The following SPINT2 variants were observed in gnomAD, a reference collection of about 807,000 sequenced individuals.
SPINT2 encodes serine peptidase inhibitor, Kunitz type 2.
SPINT2 carries 18 observed loss-of-function variants against 30.1 expected under a neutral mutation model. The ratio of observed to expected loss-of-function variants is 0.60; its 90% CI spans 0.41 to 0.89. The LOEUF (loss-of-function observed/expected upper bound fraction) is 0.89, where lower values mean the gene tolerates loss of function less well. Ranked by LOEUF, SPINT2 falls within the 40% of genes least tolerant of loss-of-function variation. The pLI, the probability that SPINT2 is intolerant of heterozygous loss-of-function variation, is 0.00. For synonymous variants in SPINT2, 139 were observed against 137.9 expected (o/e 1.01, Z -0.05); for missense variants, 276 against 334.3 (o/e 0.83, Z 1.36).
At chr19:38,276,292 A>G (rs535076233) in intron 1 of SPINT2, among the ~76,000 whole-genome samples, 1 of 152,270 alleles carries the variant, frequency 6.6e-6, no homozygotes, top group South Asian at 2.1e-4. Flanking sequence ...CATAGCACTC[A>G]TGGGAGTCTG....
chr19:38,288,077 G>T (rs1968664386), intron 3 of SPINT2, 142 bp downstream of exon 3: 2 of 896,516 alleles, frequency 2.2e-6, no homozygotes, highest in East Asian at 5.1e-5. Flanking sequence ...GCTCTGCCTG[G>T]GCTGCCGGCT....
At chr19:38,287,308 C>T (rs1968653782) in intron 2 of SPINT2, among the ~76,000 whole-genome samples, 1 of 152,236 alleles carries the variant, frequency 6.6e-6, no homozygotes, top group Non-Finnish European at 1.5e-5. Flanking sequence ...AAGCAATTCT[C>T]CTGCCTCAGC....
chr19:38,264,999 G>T lies in SPINT2; in HGVS notation c.106+1G>T. 6.5e-7 allele frequency: 1 copy of T among 1,532,088 alleles called. No homozygotes were observed. Among genetic ancestry groups the T allele is most frequent in the Non-Finnish European group, 8.7e-7 (1 of 1,143,700 alleles). 94.9% of individuals were successfully genotyped at this position (1,532,088 alleles called of 1,614,324 possible). ...GCCGACCGAGAACGCAGCATCCACG[G>T]TGAGGGCCGGGCGGGTAGGCTGGAG... On this transcript the variant is annotated splice_donor_variant, in intron 1 of 6. Coordinates refer to ENST00000301244, the MANE Select transcript of SPINT2 (RefSeq NM_021102.4). LOFTEE classifies it high-confidence loss of function.
chr19:38,284,712 C>T (rs188463148), intron 2 of SPINT2, among the ~76,000 whole-genome samples: 4 of 152,248 alleles, frequency 2.6e-5, no homozygotes, highest in Admixed American at 6.5e-5. Context: ...TGATCCACTC[C>T]GACAGGGCTG....
In SPINT2 at chr19:38,290,159, A is replaced by G. The variant is rs371526800; in HGVS notation, c.432A>G (p.Ala144=). The G allele has an allele frequency of 3.7e-6, 6 of 1,612,552 alleles. No individual in the cohort carries two copies. The African/African-American group carries it at 6.7e-5, about 18-fold the overall frequency. ...ACGCAGTCACTGGGCCTTGCCGTGCATCCTTCCCACGCTGGTACTTTGACG... is the reference window on the plus strand; with the variant it reads ...ACGCAGTCACTGGGCCTTGCCGTGCGTCCTTCCCACGCTGGTACTTTGACG... The part of the protein sequence containing the change: ...TANAVTGPCR[A]SFPRWYFDVE... Residue 144 remains alanine, a synonymous_variant, in exon 5 of 7, where the codon GCA becomes GCG. Coordinates refer to ENST00000301244, the MANE Select transcript of SPINT2 (RefSeq NM_021102.4). This position sits in a 1 kb window ranked among gnomAD's most constrained non-coding sequence, Gnocchi z 4.3.
At position 38,290,726 on chromosome 19, in the gene SPINT2, G is replaced by A. The variant is rs774669070; in HGVS notation, c.592+151G>A. ...GTTTCTGCGTGAGAATGGCGAGGTGGTGGTTTGTCCCACCGTTCAGTGTAC... is the reference window on the plus strand; with the variant it reads ...GTTTCTGCGTGAGAATGGCGAGGTGATGGTTTGTCCCACCGTTCAGTGTAC... On this transcript the variant is annotated intron_variant, in intron 6 of 6. Coordinates refer to ENST00000301244, the MANE Select transcript of SPINT2 (RefSeq NM_021102.4). The surrounding 1 kb of genome is among the most constrained non-coding windows in gnomAD (Gnocchi z 4.3). 3 of 1,132,296 alleles carry A rather than the reference G, an allele frequency of 2.6e-6. No homozygotes were observed. Among genetic ancestry groups the A allele is most frequent in the Admixed American group, 2.0e-5 (1 of 50,118 alleles). 70.1% of individuals were successfully genotyped at this position (1,132,296 alleles called of 1,614,324 possible).
chr19:38,268,145 G>A (rs546972515), intron 1 of SPINT2, among the ~76,000 whole-genome samples: 5 of 152,186 alleles, frequency 3.3e-5, no homozygotes, highest in Non-Finnish European at 5.9e-5. Context: ...AGGGGTCGGG[G>A]CTTCTTGTGA....
At chr19:38,272,937 G>A (rs1321323551) in intron 1 of SPINT2, among the ~76,000 whole-genome samples, 1 of 152,142 alleles carries the variant, frequency 6.6e-6, no homozygotes, top group Non-Finnish European at 1.5e-5. Flanking sequence ...GGCCAGGCTG[G>A]TGTTGAACTC....
In SPINT2 at chr19:38,281,823, A is replaced by G. The variant is rs774312198; in HGVS notation, c.107-1804A>G. 6.0e-4 allele frequency among the ~76,000 whole-genome samples: 91 copies of G among 152,148 alleles called. 1 individual carries two copies. The highest frequency in any genetic ancestry group is 1.8e-4 in the Non-Finnish European group (12 of 68,036). On this transcript the variant is annotated intron_variant, in intron 1 of 6. Coordinates refer to ENST00000301244, the MANE Select transcript of SPINT2 (RefSeq NM_021102.4). ...CACAATCCAATTTTAGAACATTTTC[A>G]TCATCCCCTAAAGATCCTTTTACCC...
intron 1 of SPINT2, among the ~76,000 whole-genome samples, chr19:38,283,059 C>G (rs1005961947): frequency 2.0e-5 from 3 of 151,584 alleles, no homozygotes; most frequent in Non-Finnish European, 4.4e-5. Flanking sequence ...TGCCTGTGAT[C>G]CCAGCACTTT....
Position 38,271,606 on chromosome 19 carries a change from G to A in SPINT2, c.106+6608G>A, listed in dbSNP as rs1257916021. On this transcript the variant is annotated intron_variant, in intron 1 of 6. Transcript: ENST00000301244. ...CCCAGCACTTTGGGAGGCCGAGGTG[G>A]GTGGATCACGAGATCAGGAGTTCAA... Among the ~76,000 whole-genome samples, 30 of 152,234 alleles carry A rather than the reference G, an allele frequency of 2.0e-4. No individual in the cohort carries two copies. The East Asian group carries it at 4.6e-3, about 23-fold the overall frequency.
intron 1 of SPINT2, among the ~76,000 whole-genome samples, chr19:38,270,645 C>G (rs914235694): frequency 1.3e-5 from 2 of 152,176 alleles, no homozygotes; most frequent in South Asian, 4.1e-4. Context: ...GAGACTGGCC[C>G]CTTTCCACTG....
chr19:38,284,079 G>C (rs1307931028), intron 2 of SPINT2, among the ~76,000 whole-genome samples: 1 of 151,984 alleles, frequency 6.6e-6, no homozygotes, highest in Non-Finnish European at 1.5e-5. Context: ...CTGATCTTGT[G>C]ATCTGCCTGC....
rs1968577720 is a variant in SPINT2 at position 38,281,219 on chromosome 19, G to A, written c.107-2408G>A. ...ATATTGTACCTGTTCCAGGTGTACA[G>A]CCAGCTGGTTTTGGTTGATGTGTAA... On this transcript the variant is annotated intron_variant, in intron 1 of 6. Transcript: ENST00000301244. 2.0e-5 allele frequency among the ~76,000 whole-genome samples: 3 copies of A among 152,144 alleles called. 1 individual carries two copies. The South Asian group carries it at 6.2e-4, about 31-fold the overall frequency.
At position 38,283,755 on chromosome 19, in the gene SPINT2, C is replaced by G. The variant is rs769191493; in HGVS notation, c.235C>G (p.Leu79Val). The G allele has an allele frequency of 3.8e-5, 62 of 1,613,548 alleles. No homozygotes were observed. The highest frequency in any genetic ancestry group is 1.2e-4 in the Admixed American group (7 of 59,938). Residue 79 changes from leucine to valine, a missense_variant, in exon 2 of 7, where the codon CTG (leucine) becomes GTG (valine). By Grantham distance (32) the Leu-to-Val change is conservative. Coordinates refer to ENST00000301244, the MANE Select transcript of SPINT2 (RefSeq NM_021102.4). ...CTGTGACGGAAACAGCAATAATTAC[C>G]TGACCAAGGAGGAGTGCCTCAAGAA... is the stretch of plus-strand genomic sequence containing the variant. The part of the protein sequence containing the change: ...GGCDGNSNNY[L>V]TKEECLKKCA...
intron 1 of SPINT2, among the ~76,000 whole-genome samples, chr19:38,274,545 A>C (rs2099432111): frequency 6.6e-6 from 1 of 151,244 alleles, no homozygotes; most frequent in Non-Finnish European, 1.5e-5. Context: ...TTTTTCGCTA[A>C]GGTGGCTCAC....
intron 1 of SPINT2, among the ~76,000 whole-genome samples, chr19:38,267,101 C>A (rs1229592854): frequency 6.6e-6 from 1 of 152,216 alleles, no homozygotes; most frequent in Non-Finnish European, 1.5e-5. Flanking sequence ...CCAGGTCTCA[C>A]TGCAGAGGCC....
At chr19:38,274,070 A>C (rs1391823186) in intron 1 of SPINT2, among the ~76,000 whole-genome samples, 3 of 152,082 alleles carry the variant, frequency 2.0e-5, no homozygotes, top group African/African-American at 7.2e-5. Flanking sequence ...GTTTCTACAA[A>C]AAATGCAAAA....
intron 6 of SPINT2, chr19:38,291,537 G>A (rs1431541474): frequency 5.2e-6 from 2 of 381,280 alleles, no homozygotes; most frequent in Non-Finnish European, 9.8e-6. Flanking sequence ...TCCTGTGCAG[G>A]TTGCCCTGAG....
Sources: gnomAD v4.1 joint callset for allele counts (sites outside exome capture counted in the v4.1 genomes callset) on GRCh38, gnomAD v4.1.1 for gene constraint, Gnocchi (gnomAD v3.1) non-coding constraint, MANE v1.5 for transcripts, NCBI Gene and HGNC (gene_info 2026-07-23, HGNC 2026-07-21) for gene names.